SENP5: variants seen among roughly 807,000 people sequenced by gnomAD.
The protein encoded by SENP5 is sentrin-specific protease 5.
Under a neutral mutation model 74.2 loss-of-function variants are expected in SENP5, and 21 were observed. The ratio of observed to expected loss-of-function variants is 0.28; its 90% confidence interval spans 0.20 to 0.41. The LOEUF is 0.41. Ranked by LOEUF, SENP5 falls within the 10% of genes least tolerant of loss-of-function variation. SENP5 has a pLI of 1.00. For synonymous variants in SENP5, 311 were observed against 312.7 expected (o/e 0.99, Z 0.06); for missense variants, 717 against 889.1 (o/e 0.81, Z 2.46).
At chr3:196,908,561 T>C (rs571405463) in intron 6 of SENP5, among the ~76,000 whole-genome samples, 3 of 152,298 alleles carry the variant, frequency 2.0e-5, no homozygotes, top group African/African-American at 7.2e-5. Flanking sequence ...TGGTGACTCA[T>C]GCCTGTAATC....
chr3:196,884,761 C>G (rs1713880301), intron 1 of SENP5, among the ~76,000 whole-genome samples: 1 of 151,752 alleles, frequency 6.6e-6, no homozygotes, highest in Admixed American at 6.6e-5. Context: ...CAACCTCCAC[C>G]TCCCAGGTTC....
At chr3:196,892,756 C>T (rs1006032484) in intron 2 of SENP5, among the ~76,000 whole-genome samples, 2 of 152,096 alleles carry the variant, frequency 1.3e-5, no homozygotes, top group Non-Finnish European at 2.9e-5. Context: ...CGTTGATTCT[C>T]TACGTCTATG....
chr3:196,932,783 C>CA lies in SENP5; in HGVS notation c.*1861dup, dbSNP rs1716084752. 7.7e-6 allele frequency: 1 copy of CA among 130,242 alleles called. No individual in the cohort carries two copies. The highest frequency in any genetic ancestry group is 3.1e-5 in the African/African-American group (1 of 32,688). 8.1% of individuals were successfully genotyped at this position (130,242 alleles called of 1,614,324 possible). A position where few individuals can be genotyped will look rare whatever the true frequency, so the allele number is the denominator to read the frequency against. ...TGGGGGTGTGGTATACCAAAGTAGCCAGTCACTGGGCTGTCAGTTCAAAAT... is the reference window on the plus strand; with the variant it reads ...TGGGGGTGTGGTATACCAAAGTAGCCAAGTCACTGGGCTGTCAGTTCAAAAT... On this transcript the variant is annotated 3_prime_UTR_variant, in exon 10 of 10. Transcript: ENST00000323460.
At chr3:196,907,446 T>A (rs1577829451) in intron 6 of SENP5, among the ~76,000 whole-genome samples, 1 of 118,156 alleles carries the variant, frequency 8.5e-6, no homozygotes, top group Non-Finnish European at 1.8e-5. Flanking sequence ...ACAGAGAGAC[T>A]CCGTCTCAAA....
At chr3:196,917,249 A>G (rs1347467613) in intron 6 of SENP5, among the ~76,000 whole-genome samples, 2 of 152,154 alleles carry the variant, frequency 1.3e-5, no homozygotes, top group East Asian at 1.9e-4. Context: ...AGCAGAAGAA[A>G]GAATTAGTAA....
chr3:196,906,944 T>C (rs1714926218), intron 6 of SENP5, among the ~76,000 whole-genome samples: 1 of 152,028 alleles, frequency 6.6e-6, no homozygotes, highest in South Asian at 2.1e-4. Context: ...GCAGGAGAGA[T>C]GGAAGATGAG....
intron 7 of SENP5, among the ~76,000 whole-genome samples, chr3:196,925,754 T>A (rs139642168): frequency 1.3e-5 from 2 of 152,340 alleles, no homozygotes; most frequent in African/African-American, 4.8e-5. Flanking sequence ...GTAATAAAAA[T>A]TCATCTTCTG....
At chr3:196,877,600 A>G (rs144089948) in intron 1 of SENP5, among the ~76,000 whole-genome samples, 5 of 152,356 alleles carry the variant, frequency 3.3e-5, no homozygotes, top group South Asian at 2.1e-4. Flanking sequence ...ACAGCAACCA[A>G]TAGATACTCA....
intron 1 of SENP5, among the ~76,000 whole-genome samples, chr3:196,875,895 A>ATT (rs974277876): frequency 5.3e-5 from 8 of 151,264 alleles, no homozygotes; most frequent in African/African-American, 1.9e-4. Context: ...ACTTTTGGCT[A>ATT]TTTTTTTTGG....
chr3:196,904,445 C>T (rs902383268), intron 6 of SENP5, among the ~76,000 whole-genome samples: 2 of 152,156 alleles, frequency 1.3e-5, no homozygotes, highest in African/African-American at 4.8e-5. Context: ...CATGTGGCGC[C>T]ATATAGGCCC....
chr3:196,927,501 T>C (rs563012641), intron 7 of SENP5, among the ~76,000 whole-genome samples: 2 of 152,266 alleles, frequency 1.3e-5, no homozygotes, highest in African/African-American at 4.8e-5. Context: ...CCGGGAGCGG[T>C]GGTGTACACC....
chr3:196,914,079 A>G (rs1435611036), intron 6 of SENP5: 1 of 152,238 alleles, frequency 6.6e-6, no homozygotes, highest in African/African-American at 2.4e-5. Context: ...AAGAGATGCA[A>G]TATTTTGGGT....
intron 5 of SENP5, among the ~76,000 whole-genome samples, chr3:196,901,220 A>G (rs1714689997): frequency 6.6e-6 from 1 of 150,512 alleles, no homozygotes; most frequent in Non-Finnish European, 1.5e-5. Context: ...TAATTTTTGT[A>G]TTTTTAGGAG....
At chr3:196,880,954 AT>A (rs34410948) in intron 1 of SENP5, among the ~76,000 whole-genome samples, 33,898 of 146,170 alleles carry the variant, frequency 0.23, 3,949 homozygotes, top group African/African-American at 0.3. Flanking sequence ...TTCCTTTTTT[AT>A]TTTTTTTTTG....
intron 6 of SENP5, among the ~76,000 whole-genome samples, chr3:196,905,522 T>C (rs1335597589): frequency 6.6e-6 from 1 of 152,134 alleles, no homozygotes; most frequent in Admixed American, 6.5e-5. Context: ...CTCCTTGAAT[T>C]TGATTAATTT....
intron 6 of SENP5, among the ~76,000 whole-genome samples, chr3:196,907,933 G>A (rs11715567): frequency 0.66 from 100,203 of 151,652 alleles, 34,146 homozygotes; most frequent in Non-Finnish European, 0.75. Context: ...AATATAAGAA[G>A]TATACATAAA....
intron 2 of SENP5, among the ~76,000 whole-genome samples, chr3:196,888,563 G>A (rs187911180): frequency 2.0e-5 from 3 of 150,040 alleles, no homozygotes; most frequent in East Asian, 3.9e-4. Context: ...CAGCCTGGGC[G>A]ACAGAGCGAG....
chr3:196,907,364 C>T (rs1341667071), intron 6 of SENP5, among the ~76,000 whole-genome samples: 1 of 148,438 alleles, frequency 6.7e-6, no homozygotes, highest in Non-Finnish European at 1.5e-5. Flanking sequence ...GTCCCACTTA[C>T]TCAGGAGACT....
At chr3:196,902,165 G>A (rs1353365645) in intron 5 of SENP5, among the ~76,000 whole-genome samples, 1 of 152,230 alleles carries the variant, frequency 6.6e-6, no homozygotes, top group African/African-American at 2.4e-5. Context: ...ACTCCAGGCT[G>A]GAATGCAGTG....
Sources: allele counts gnomAD v4.1 joint callset (sites outside exome capture counted in the v4.1 genomes callset), GRCh38; gene constraint gnomAD v4.1.1; transcripts MANE v1.5; gene names NCBI Gene and HGNC (gene_info 2026-07-23, HGNC 2026-07-21).